TPO: variants seen among roughly 807,000 people sequenced by gnomAD.
TPO encodes the protein thyroid peroxidase.
TPO carries 78 observed loss-of-function variants against 96.9 expected under a neutral mutation model. The observed-to-expected ratio is 0.81, with a 90% CI of 0.67 to 0.97. The LOEUF (loss-of-function observed/expected upper bound fraction) is 0.97, where lower values mean the gene tolerates loss of function less well. TPO is among the 50% of genes least tolerant of loss of function. The pLI is 0.00. For missense variants in TPO, 1,252 were observed against 1,274.8 expected (o/e 0.98, Z 0.27); for synonymous variants, 547 against 538.0 (o/e 1.02, Z -0.23).
At chr2:1,461,661 T>A (rs544784064) in intron 7 of TPO, among the ~76,000 whole-genome samples, 1 of 152,164 alleles carries the variant, frequency 6.6e-6, no homozygotes, top group South Asian at 2.1e-4. Flanking sequence ...TACACCTGTG[T>A]GCACGCCCTT....
At chr2:1,455,979 A>G (rs546187006) in intron 6 of TPO, 97 bp from the exon 7 acceptor site, 88 of 1,287,326 alleles carry the variant, frequency 6.8e-5, no homozygotes, top group South Asian at 6.6e-4. Context: ...AGCTCTGTGA[A>G]CAAGAACCAC....
At chr2:1,530,304 T>A (rs1573595125) in intron 15 of TPO, among the ~76,000 whole-genome samples, 2 of 88,064 alleles carry the variant, frequency 2.3e-5, no homozygotes, top group African/African-American at 9.3e-5. Flanking sequence ...GTGAGCAACC[T>A]CCTAAAATCC....
At chr2:1,459,252 A>G (rs1668175570) in intron 7 of TPO, among the ~76,000 whole-genome samples, 1 of 151,838 alleles carries the variant, frequency 6.6e-6, no homozygotes, top group African/African-American at 2.4e-5. Flanking sequence ...CCCGGGTTCA[A>G]GCAATACTTC....
At chr2:1,505,743 C>T (rs970882034) in intron 14 of TPO, among the ~76,000 whole-genome samples, 1 of 152,036 alleles carries the variant, frequency 6.6e-6, no homozygotes, top group African/African-American at 2.4e-5. Flanking sequence ...ATCCTCCACC[C>T]CTCAACAGGC....
intron 15 of TPO, among the ~76,000 whole-genome samples, chr2:1,537,202 C>G (rs1679934290): frequency 8.2e-6 from 1 of 122,658 alleles, no homozygotes; most frequent in Non-Finnish European, 1.7e-5. Flanking sequence ...TCCCCAAATC[C>G]CCCCACTGTG....
rs1022874811 is a variant in TPO at position 1,488,085 on chromosome 2, A to G, written c.1768+94A>G. 9.8e-5 allele frequency: 154 copies of G among 1,572,840 alleles called. 1 individual carries two copies. In the East Asian group the frequency reaches 3.4e-3, roughly 34 times the overall value. On this transcript the variant is annotated intron_variant, in intron 10 of 16. Coordinates refer to ENST00000329066, the MANE Select transcript of TPO (RefSeq NM_001206744.2). ...GCTAGAGAGACTGATTTAGAGGAAA[A>G]CAATCACAAATCTGAGGCCTTCTAA...
chr2:1,403,264 G>A (rs1662198310), intron 1 of TPO, among the ~76,000 whole-genome samples: 1 of 152,192 alleles, frequency 6.6e-6, no homozygotes, highest in Non-Finnish European at 1.5e-5. Flanking sequence ...GTGAGAGCCA[G>A]CGGGGGCTCT....
intron 7 of TPO, among the ~76,000 whole-genome samples, chr2:1,462,249 G>C (rs899381540): frequency 6.6e-6 from 1 of 152,216 alleles, no homozygotes; most frequent in South Asian, 2.1e-4. Context: ...ATCTCAGGCG[G>C]GGAGCCTGCA....
intron 14 of TPO, among the ~76,000 whole-genome samples, chr2:1,516,407 C>T (rs1573507651): frequency 1.3e-5 from 2 of 152,190 alleles, no homozygotes; most frequent in East Asian, 3.9e-4. Flanking sequence ...GTTTCACCTC[C>T]AGGAGGCTTC....
At position 1,536,647 on chromosome 2, in the gene TPO, C is replaced by CA. The variant is rs1553341330; in HGVS notation, c.2619-3947_2619-3946insA. On this transcript the variant is annotated intron_variant, in intron 15 of 16. Coordinates refer to ENST00000329066, the MANE Select transcript of TPO (RefSeq NM_001206744.2). ...TTTGTGAAACCTCCCCAAATCCCCC[C>CA]CCCCACTGTGTGCAACCTCCCCAGA... 1.6e-4 allele frequency among the ~76,000 whole-genome samples: 10 copies of CA among 63,676 alleles called. 1 individual carries two copies. The highest frequency in any genetic ancestry group is 1.3e-3 in the Admixed American group (6 of 4,730). The allele number at this position is 63,676 out of a possible 152,430, so 41.8% of individuals were successfully genotyped here.
intron 1 of TPO, among the ~76,000 whole-genome samples, chr2:1,381,223 G>A (rs187323578): frequency 2.6e-5 from 4 of 152,190 alleles, no homozygotes; most frequent in African/African-American, 9.6e-5. Context: ...GAGTGAACAG[G>A]CAACCTACAT....
intron 12 of TPO, 26 bp downstream of exon 12, chr2:1,496,223 AC>A (rs1672320334): frequency 6.2e-7 from 1 of 1,605,076 alleles, no homozygotes; most frequent in Admixed American, 1.7e-5. Context: ...CTCTCACACC[AC>A]GTTACAGCAC....
chr2:1,436,491 C>T, intron 5 of TPO, 107 bp downstream of exon 5: 1 of 1,520,240 alleles, frequency 6.6e-7, no homozygotes, highest in Non-Finnish European at 9.0e-7. Flanking sequence ...TGTATCCACC[C>T]CTGAGCCCCT....
intron 11 of TPO, among the ~76,000 whole-genome samples, chr2:1,494,546 T>A (rs1672138267): frequency 6.6e-6 from 1 of 152,142 alleles, no homozygotes. Flanking sequence ...TTTGCCTGCC[T>A]CATGCATGTC....
chr2:1,482,973 G>A (rs374711425), intron 8 of TPO, among the ~76,000 whole-genome samples: 63 of 152,208 alleles, frequency 4.1e-4, no homozygotes, highest in African/African-American at 1.4e-3. Context: ...AAGCCACTGC[G>A]CCTGACTCAA....
intron 3 of TPO, among the ~76,000 whole-genome samples, chr2:1,424,984 C>T (rs77307119): frequency 1.4e-4 from 9 of 62,224 alleles, no homozygotes; most frequent in African/African-American, 5.4e-4. Flanking sequence ...TTCTAGATGC[C>T]GGGATACAGA....
rs976713322 is a variant in TPO at position 1,514,305 on chromosome 2, G to A, written c.2519-2578G>A. ...CTTTTCTCAGACCACAGATTCCAATGCTGATCCCTTCCAGGACCCAACTCA... is the reference window on the plus strand; with the variant it reads ...CTTTTCTCAGACCACAGATTCCAATACTGATCCCTTCCAGGACCCAACTCA... On this transcript the variant is annotated intron_variant, in intron 14 of 16. Transcript: ENST00000329066. 2.0e-5 allele frequency among the ~76,000 whole-genome samples: 3 copies of A among 152,350 alleles called. No homozygotes were observed. In the South Asian group the frequency reaches 6.2e-4, roughly 32 times the overall value.
At chr2:1,393,223 G>A (rs192759992) in intron 1 of TPO, among the ~76,000 whole-genome samples, 97 of 152,278 alleles carry the variant, frequency 6.4e-4, no homozygotes, top group African/African-American at 2.2e-3. Context: ...AGAGAGGAGA[G>A]GAGAGGGAGG....
chr2:1,471,426 T>C (rs933690904), intron 7 of TPO, among the ~76,000 whole-genome samples: 14 of 151,380 alleles, frequency 9.2e-5, no homozygotes, highest in Non-Finnish European at 7.4e-5. Flanking sequence ...GTTAAGACTA[T>C]GTATTTTCCT....
Sources: allele counts gnomAD v4.1 joint callset (sites outside exome capture counted in the v4.1 genomes callset), GRCh38; gene constraint gnomAD v4.1.1; transcripts MANE v1.5; gene names NCBI Gene and HGNC (gene_info 2026-07-23, HGNC 2026-07-21).